Variants in TBC1D22A observed in about 807,000 individuals in gnomAD.
TBC1D22A encodes TBC1 domain family member 22A, also known as putative GTPase activator.
TBC1D22A carries 38 observed loss-of-function variants against 60.2 expected under a neutral mutation model. That is an observed-to-expected ratio of 0.63 (90% confidence interval 0.49 to 0.83). The LOEUF is 0.83. Among genes scored for constraint, TBC1D22A ranks in the 40% least tolerant of loss-of-function variants. The probability of loss-of-function intolerance (pLI) is 0.00; values close to 1 mark genes in which losing one functional copy is unlikely to be tolerated. For missense variants in TBC1D22A, 628 were observed against 701.0 expected, an observed-to-expected ratio of 0.90 and a Z score of 1.18; for synonymous variants, 302 against 281.7, an observed-to-expected ratio of 1.07 and a Z score of -0.72.
At chr22:46,837,418 A>G (rs568328259) in intron 4 of TBC1D22A, among the ~76,000 whole-genome samples, 6 of 152,334 alleles carry the variant, frequency 3.9e-5, no homozygotes, top group African/African-American at 1.2e-4. Flanking sequence ...TAGACAGACC[A>G]TTCCATCCAA....
chr22:47,166,642 C>G (rs757749672), intron 12 of TBC1D22A, among the ~76,000 whole-genome samples: 13 of 152,242 alleles, frequency 8.5e-5, no homozygotes, highest in Non-Finnish European at 1.9e-4. Flanking sequence ...CATCTGTTGC[C>G]TGACCTACTG....
intron 12 of TBC1D22A, among the ~76,000 whole-genome samples, chr22:47,146,426 A>T (rs1008341436): frequency 5.9e-5 from 9 of 152,224 alleles, no homozygotes; most frequent in Non-Finnish European, 1.3e-4. Flanking sequence ...GTTAGAAAAA[A>T]ATCTATAAGC....
At chr22:46,993,881 G>A (rs1044511296) in intron 9 of TBC1D22A, among the ~76,000 whole-genome samples, 1 of 131,654 alleles carries the variant, frequency 7.6e-6, no homozygotes, top group Non-Finnish European at 1.5e-5. Context: ...CTCACCTCCC[G>A]AGCCAGGAGC....
intron 7 of TBC1D22A, among the ~76,000 whole-genome samples, chr22:46,904,142 TCTACCTACCTAC>T (rs11268390): frequency 0.085 from 11,429 of 134,218 alleles, 555 homozygotes; most frequent in East Asian, 0.16. Context: ...TATCTATCTA[TCTACCTACCTAC>T]CTACCTACCT....
In TBC1D22A at chr22:46,768,452, C is replaced by G. The variant is rs188567707; in HGVS notation, c.62+5604C>G. On this transcript the variant is annotated intron_variant, in intron 1 of 12. Transcript: ENST00000337137. ...GTGAGCCAAGGTCGCGCCACCGCCC[C>G]GCAGCCTGGGCAACAGAGCGAGACT... Among the ~76,000 whole-genome samples, 907 of 147,918 alleles carry G rather than the reference C, an allele frequency of 6.1e-3. 8 individuals carry two copies. Among genetic ancestry groups the G allele is most frequent in the Middle Eastern group, 0.01 (3 of 292 alleles).
intron 7 of TBC1D22A, among the ~76,000 whole-genome samples, chr22:46,901,201 A>G (rs1033061370): frequency 1.3e-5 from 2 of 152,230 alleles, no homozygotes; most frequent in Non-Finnish European, 2.9e-5. Flanking sequence ...GCCAGGCCAC[A>G]CTGCAGGATT....
intron 8 of TBC1D22A, among the ~76,000 whole-genome samples, chr22:46,963,778 T>G (rs9616180): frequency 3.9e-4 from 59 of 152,120 alleles, no homozygotes; most frequent in Admixed American, 4.6e-4. Context: ...AAGCTGTATA[T>G]TGGGGAGGAC....
chr22:46,893,351 G>A (rs1368445510), intron 6 of TBC1D22A, among the ~76,000 whole-genome samples: 2 of 152,170 alleles, frequency 1.3e-5, no homozygotes, highest in African/African-American at 2.4e-5. Flanking sequence ...GAGGCAGGCG[G>A]GATGGATGGA....
rs139100801 is a variant in TBC1D22A, at chr22:46,851,678, C to A, written c.638-26975C>A. On this transcript the variant is annotated intron_variant, in intron 4 of 12. Transcript: ENST00000337137. ...ATTCAATGCAGTGATTAGAATTCCT[C>A]ATCTTATCTTCAGATGGGGAGAGAT... Among the ~76,000 whole-genome samples the A allele has an allele frequency of 1.6e-4, 24 of 152,374 alleles. No homozygotes were observed. The East Asian group carries it at 4.1e-3, about 26-fold the overall frequency.
At chr22:47,143,781 T>A (rs2067191146) in intron 12 of TBC1D22A, among the ~76,000 whole-genome samples, 1 of 152,248 alleles carries the variant, frequency 6.6e-6, no homozygotes, top group Non-Finnish European at 1.5e-5. Flanking sequence ...GGCAGCTGTT[T>A]GAGCATTGGT....
chr22:46,846,295 G>C (rs959119176), intron 4 of TBC1D22A, among the ~76,000 whole-genome samples: 4 of 152,196 alleles, frequency 2.6e-5, no homozygotes, highest in African/African-American at 9.7e-5. Flanking sequence ...TTTGTTGCTA[G>C]CAGCACTGAT....
At chr22:47,062,871 G>A (rs131929) in intron 11 of TBC1D22A, among the ~76,000 whole-genome samples, 72,814 of 151,814 alleles carry the variant, frequency 0.48, 18,321 homozygotes, top group African/African-American at 0.61. Flanking sequence ...AGCAGAGGAA[G>A]AAGACTGGCT....
At chr22:47,148,628 G>T (rs2067377142) in intron 12 of TBC1D22A, among the ~76,000 whole-genome samples, 1 of 149,878 alleles carries the variant, frequency 6.7e-6, no homozygotes, top group African/African-American at 2.5e-5. Flanking sequence ...CCTCTCCTGG[G>T]GTCCCTCCCT....
chr22:46,813,419 G>T (rs945395730), intron 4 of TBC1D22A, among the ~76,000 whole-genome samples: 2 of 152,334 alleles, frequency 1.3e-5, no homozygotes, highest in Non-Finnish European at 1.5e-5. Context: ...GCCAGTATGG[G>T]TGACTTCTCT....
At chr22:47,019,319 G>A (rs1044304421) in intron 10 of TBC1D22A, among the ~76,000 whole-genome samples, 6 of 152,344 alleles carry the variant, frequency 3.9e-5, no homozygotes, top group South Asian at 4.1e-4. Context: ...TCTGTGAAAC[G>A]TCCACTGTGT....
At chr22:47,095,229 G>C (rs1192169798) in intron 11 of TBC1D22A, among the ~76,000 whole-genome samples, 1 of 152,262 alleles carries the variant, frequency 6.6e-6, no homozygotes, top group Non-Finnish European at 1.5e-5. Context: ...TGGTGCACTT[G>C]AATCTTAGCA....
chr22:46,901,191 G>T (rs59508966), intron 7 of TBC1D22A, among the ~76,000 whole-genome samples: 1,697 of 152,332 alleles, frequency 0.011, 29 homozygotes, highest in African/African-American at 0.039. Context: ...CATCTAACGT[G>T]CCAGGCCACA....
chr22:46,941,108 T>TAC (rs145138507), intron 8 of TBC1D22A, among the ~76,000 whole-genome samples: 2,029 of 77,410 alleles, frequency 0.026, 55 homozygotes, highest in South Asian at 0.06. Context: ...GGCACTAGCA[T>TAC]ACACACACAC....
intron 4 of TBC1D22A, among the ~76,000 whole-genome samples, chr22:46,846,209 G>A (rs1218636802): frequency 6.6e-6 from 1 of 152,198 alleles, no homozygotes; most frequent in Non-Finnish European, 1.5e-5. Context: ...CATATACCAT[G>A]ATGTGGTTTT....
Sources: allele counts gnomAD v4.1 joint callset (sites outside exome capture counted in the v4.1 genomes callset), GRCh38; gene constraint gnomAD v4.1.1; transcripts MANE v1.5; gene names NCBI Gene and HGNC (gene_info 2026-07-23, HGNC 2026-07-21).